The following GPSM1 variants were observed in gnomAD, a reference collection of about 807,000 sequenced individuals.
The protein encoded by GPSM1 is G protein signaling modulator 1, also known as G protein-signaling modulator 1.
A neutral mutation model predicts 70.5 loss-of-function variants in GPSM1; 48 were observed. The observed-to-expected ratio is 0.68, with a 90% confidence interval of 0.54 to 0.87. The LOEUF (loss-of-function observed/expected upper bound fraction) is 0.87. Ranked by LOEUF, GPSM1 falls within the 40% of genes least tolerant of loss-of-function variation. GPSM1 has a pLI of 0.00. For synonymous variants in GPSM1, 416 were observed against 430.1 expected (o/e 0.97, Z 0.41); for missense variants, 981 against 972.6 (o/e 1.01, Z -0.11).
intron 12 of GPSM1, among the ~76,000 whole-genome samples, 195 bp downstream of exon 12, chr9:136,356,041 C>T (rs960413615): frequency 4.6e-5 from 7 of 152,266 alleles, no homozygotes; most frequent in East Asian, 1.9e-4. Context: ...GCCCGCCCTC[C>T]GGGACACACT....
chr9:136,329,049 G>C (rs72775736), intron 1 of GPSM1, among the ~76,000 whole-genome samples: 16,001 of 152,174 alleles, frequency 0.11, 1,199 homozygotes, highest in African/African-American at 0.19. Context: ...CTTGGGTGAG[G>C]CCTGCACAGC....
At position 136,334,021 on chromosome 9, in the gene GPSM1, G is replaced by A. The variant is rs550914052; in HGVS notation, c.69-426G>A. ...CTCAGTTGTTCTTGGTGGGAATTAG[G>A]GGGGCCTCTCCCAGCAGCTGTGGTC... On this transcript the variant is annotated intron_variant, in intron 1 of 13. Transcript: ENST00000440944. Among the ~76,000 whole-genome samples the A allele has an allele frequency of 2.0e-5, 3 of 152,236 alleles. No homozygotes were observed. In the South Asian group the frequency reaches 6.2e-4, roughly 32 times the overall value.
At position 136,340,860 on chromosome 9, in the gene GPSM1, C is replaced by A; in HGVS notation, c.1084-10C>A. 6.4e-7 allele frequency: 1 copy of A among 1,563,170 alleles called. No homozygotes were observed. The highest frequency in any genetic ancestry group is 1.4e-5 in the African/African-American group (1 of 73,886). ...CACACCTGCCCGCTCCGCCACCCCA[C>A]TCGCCGCAGATCGGGGACCGCCATG... is the stretch of plus-strand genomic sequence containing the variant. On this transcript the variant is annotated splice_polypyrimidine_tract_variant and intron_variant, in intron 8 of 13. Coordinates refer to ENST00000440944, the MANE Select transcript of GPSM1 (RefSeq NM_001145638.3). This position sits in a 1 kb window ranked among gnomAD's most constrained non-coding sequence, Gnocchi z 7.3.
rs920282241 is a variant in GPSM1, at chr9:136,340,244, T to C, written c.1083+429T>C. 8.5e-5 allele frequency among the ~76,000 whole-genome samples: 13 copies of C among 152,086 alleles called. No homozygotes were observed. Among genetic ancestry groups the C allele is most frequent in the African/African-American group, 4.8e-5 (2 of 41,420 alleles). On this transcript the variant is annotated intron_variant, in intron 8 of 13. Coordinates refer to ENST00000440944, the MANE Select transcript of GPSM1 (RefSeq NM_001145638.3). The surrounding 1 kb of genome is among the most constrained non-coding windows in gnomAD (Gnocchi z 7.3). The stretch of plus-strand genomic sequence containing the variant: ...CGGTGCCAGCCCCTACTGACCACCA[T>C]AGACCCATGTAGGAGGTGGCCGGGT...
rs1173480067 is a variant in GPSM1 at position 136,340,368 on chromosome 9, A to T, written c.1084-502A>T. On this transcript the variant is annotated intron_variant, in intron 8 of 13. Coordinates refer to ENST00000440944, the MANE Select transcript of GPSM1 (RefSeq NM_001145638.3). The surrounding 1 kb of genome is among the most constrained non-coding windows in gnomAD (Gnocchi z 7.3). ...AGAGCTTCACTGGCAGCCAGCAGGCAGCCCCCGTGTCCCTCTGAGTGCAGG... is the reference window on the plus strand; with the variant it reads ...AGAGCTTCACTGGCAGCCAGCAGGCTGCCCCCGTGTCCCTCTGAGTGCAGG... Among the ~76,000 whole-genome samples, 2 of 152,028 alleles carry T rather than the reference A, an allele frequency of 1.3e-5. No homozygotes were observed. Among genetic ancestry groups the T allele is most frequent in the Non-Finnish European group, 2.9e-5 (2 of 67,982 alleles).
At chr9:136,336,253 GGA>G in intron 3 of GPSM1, 152 bp downstream of exon 3, 2 of 925,832 alleles carry the variant, frequency 2.2e-6, no homozygotes, top group East Asian at 2.6e-5. Context: ...GAGTGACTCA[GGA>G]GAGTGTGGGC....
Position 136,342,801 on chromosome 9 carries a change from G to A in GPSM1, c.1207+1808G>A, listed in dbSNP as rs1832426437. On this transcript the variant is annotated intron_variant, in intron 9 of 13. Coordinates refer to ENST00000440944, the MANE Select transcript of GPSM1 (RefSeq NM_001145638.3). This position sits in a 1 kb window ranked among gnomAD's most constrained non-coding sequence, Gnocchi z 5.5. Reference sequence around the variant, plus strand: ...CAGAGCCGCGCTAGAGCCTGGCCGTGCGGAGGGGGCGCCAGGGCTGGGGGC... The same window carrying A: ...CAGAGCCGCGCTAGAGCCTGGCCGTACGGAGGGGGCGCCAGGGCTGGGGGC... Among the ~76,000 whole-genome samples, 1 of 151,884 alleles carries A rather than the reference G, an allele frequency of 6.6e-6. No homozygotes were observed. Among genetic ancestry groups the A allele is most frequent in the South Asian group, 2.1e-4 (1 of 4,818 alleles).
rs1281895303 is a variant in GPSM1 at position 136,341,497 on chromosome 9, G to A, written c.1207+504G>A. 11 of 1,254,716 alleles carry A rather than the reference G, an allele frequency of 8.8e-6. No individual in the cohort carries two copies. Among genetic ancestry groups the A allele is most frequent in the Admixed American group, 4.0e-5 (1 of 24,766 alleles). 77.7% of individuals were successfully genotyped at this position (1,254,716 alleles called of 1,614,324 possible). A position where few individuals can be genotyped will look rare whatever the true frequency, so the allele number is the denominator to read the frequency against. On this transcript the variant is annotated intron_variant, in intron 9 of 13. Coordinates refer to ENST00000440944, the MANE Select transcript of GPSM1 (RefSeq NM_001145638.3). The surrounding 1 kb of genome is among the most constrained non-coding windows in gnomAD (Gnocchi z 6.7). ...CATGGACCGCTGGTCGTCCCATGCC[G>A]GTCAGCAGTGCTGCAGACACAGGAC...
At chr9:136,330,359 C>A (rs751107894) in intron 1 of GPSM1, among the ~76,000 whole-genome samples, 1 of 152,106 alleles carries the variant, frequency 6.6e-6, no homozygotes, top group Non-Finnish European at 1.5e-5. Context: ...CATGCTACCC[C>A]CTACCTTCAC....
rs1832585052 is a variant in GPSM1, at chr9:136,348,724, T to C, written c.1235T>C (p.Leu412Pro). Residue 412 changes from leucine to proline, a missense_variant, in exon 10 of 14, where the codon CTG (leucine) becomes CCG (proline). Physicochemically the swap from Leu to Pro is moderately conservative, Grantham distance 98. Coordinates refer to ENST00000440944, the MANE Select transcript of GPSM1 (RefSeq NM_001145638.3). ...GCCAGACCCAAGAGGACGCAGAGGC[T>C]GAGCGCGGAGACCTGGGACCTGCTG... ...QGARPKRTQR[L>P]SAETWDLLRL... 5 of 1,612,196 alleles carry C rather than the reference T, an allele frequency of 3.1e-6. No homozygotes were observed. Among genetic ancestry groups the C allele is most frequent in the Non-Finnish European group, 4.2e-6 (5 of 1,179,612 alleles).
In GPSM1 at chr9:136,355,786, G is replaced by A. The variant is rs1319997372; in HGVS notation, c.1552G>A (p.Asp518Asn). The change falls in exon 12 of 14, where the codon GAC becomes AAC. Residue 518 changes from aspartate (D) to asparagine (N), a missense_variant. Physicochemically the swap from Asp to Asn is conservative, Grantham distance 23. Transcript: ENST00000440944. ...CATGGACGACCAGCGTTGTCCCCTG[G>A]ACGATGGCCAGGCCGGGGCTGCCGA... ...SRMDDQRCPLDDGQAGAAEAT... is the reference protein window; with the variant it reads ...SRMDDQRCPLNDGQAGAAEAT... 8 of 1,612,240 alleles carry A rather than the reference G, an allele frequency of 5.0e-6. No homozygotes were observed. The highest frequency in any genetic ancestry group is 1.3e-5 in the African/African-American group (1 of 74,900).
At chr9:136,328,327 G>A (rs1832026256) in intron 1 of GPSM1, among the ~76,000 whole-genome samples, 1 of 152,156 alleles carries the variant, frequency 6.6e-6, no homozygotes, top group East Asian at 1.9e-4. Flanking sequence ...GCCCCAGGTG[G>A]CATGCCTGCC....
At chr9:136,354,586 G>A (rs909065285) in intron 11 of GPSM1, among the ~76,000 whole-genome samples, 2 of 152,242 alleles carry the variant, frequency 1.3e-5, no homozygotes, top group Non-Finnish European at 2.9e-5. Flanking sequence ...AGCGCCGGTC[G>A]GGAGGTGGAC....
In GPSM1 at chr9:136,337,007, G is replaced by A. The variant is rs1000806531; in HGVS notation, c.513G>A (p.Thr171=). The change falls in exon 4 of 14, where the codon ACG becomes ACA. Residue 171 remains threonine (T), a synonymous_variant. Transcript: ENST00000440944. Reference sequence around the variant, plus strand: ...TGTCCTGGAACGCCGCAAACGCCACGCAGGACCCCGGGCACCTGCCGCCCG... The same window carrying A: ...TGTCCTGGAACGCCGCAAACGCCACACAGGACCCCGGGCACCTGCCGCCCG... ...KQLSWNAANA[T]QDPGHLPPDV... is the part of the protein sequence containing the mutation. 14 of 1,552,558 alleles carry A rather than the reference G, an allele frequency of 9.0e-6. No homozygotes were observed. The highest frequency in any genetic ancestry group is 1.4e-5 in the African/African-American group (1 of 73,166).
rs782672911 is a variant in GPSM1, at chr9:136,341,487, G to A, written c.1207+494G>A. 2.0e-5 allele frequency: 26 copies of A among 1,276,118 alleles called. No individual in the cohort carries two copies. The East Asian group carries it at 2.3e-4, about 11-fold the overall frequency. 79.0% of individuals were successfully genotyped at this position (1,276,118 alleles called of 1,614,324 possible). A position where few individuals can be genotyped will look rare whatever the true frequency, so the allele number is the denominator to read the frequency against. On this transcript the variant is annotated intron_variant, in intron 9 of 13. Coordinates refer to ENST00000440944, the MANE Select transcript of GPSM1 (RefSeq NM_001145638.3). This position sits in a 1 kb window ranked among gnomAD's most constrained non-coding sequence, Gnocchi z 6.7. Reference sequence around the variant, plus strand: ...TGACCTCATTCATGGACCGCTGGTCGTCCCATGCCGGTCAGCAGTGCTGCA... The same window carrying A: ...TGACCTCATTCATGGACCGCTGGTCATCCCATGCCGGTCAGCAGTGCTGCA...
Position 136,355,692 on chromosome 9 carries a change from C to G in GPSM1, c.1458C>G (p.Ser486Arg), listed in dbSNP as rs782433377. 4 of 1,611,744 alleles carry G rather than the reference C, an allele frequency of 2.5e-6. No individual in the cohort carries two copies. In the Admixed American group the frequency reaches 6.7e-5, roughly 27 times the overall value. Residue 486 changes from serine (S) to arginine (R), a missense_variant and splice_region_variant, in exon 12 of 14, where the codon AGC (serine) becomes AGG (arginine). Transcript: ENST00000440944. ...ADVRVHVPRT[S>R]IPRAPSSDEE... ...CGGTGACCCCACTCCCTCCCCAGAGCATCCCGAGGGCCCCGTCTTCGGACG... is the reference window on the plus strand; with the variant it reads ...CGGTGACCCCACTCCCTCCCCAGAGGATCCCGAGGGCCCCGTCTTCGGACG...
At chr9:136,345,218 G>A (rs1053619657) in intron 9 of GPSM1, among the ~76,000 whole-genome samples, 7 of 152,214 alleles carry the variant, frequency 4.6e-5, no homozygotes, top group East Asian at 1.9e-4. Context: ...GCACATAAAC[G>A]TCTGGAGCTG....
intron 7 of GPSM1, 56 bp downstream of exon 7, chr9:136,338,766 C>T (rs1588694979): frequency 4.0e-6 from 6 of 1,493,002 alleles, no homozygotes; most frequent in East Asian, 2.5e-5. Context: ...GCTGAATTAC[C>T]GCGGCCCAGG....
In GPSM1 at chr9:136,334,810, T is replaced by C. The variant is rs531769229; in HGVS notation, c.290+142T>C. ...AGCCCTGCTGGTGGGTGAGTGGGGA[T>C]GGCCCTGCTGGCGGGTGAGTGGGGA... On this transcript the variant is annotated intron_variant, in intron 2 of 13. Coordinates refer to ENST00000440944, the MANE Select transcript of GPSM1 (RefSeq NM_001145638.3). 4.3e-4 allele frequency: 275 copies of C among 634,316 alleles called. 6 individuals are homozygous for C. Among genetic ancestry groups the C allele is most frequent in the South Asian group, 4.0e-3 (224 of 55,380 alleles). 39.3% of individuals were successfully genotyped at this position (634,316 alleles called of 1,614,324 possible).
Sources: allele counts gnomAD v4.1 joint callset (sites outside exome capture counted in the v4.1 genomes callset), GRCh38; gene constraint gnomAD v4.1.1; non-coding constraint Gnocchi (gnomAD v3.1); transcripts MANE v1.5; gene names NCBI Gene and HGNC (gene_info 2026-07-23, HGNC 2026-07-21).